Variants in ATP8B4 observed in about 807,000 individuals in gnomAD.
ATP8B4 encodes the protein ATPase phospholipid transporting 8B4 (putative), also known as probable phospholipid-transporting ATPase IM.
A neutral mutation model predicts 145.6 loss-of-function variants in ATP8B4; 133 were observed. That is an observed-to-expected ratio of 0.91 (90% CI 0.79 to 1.05). The LOEUF (loss-of-function observed/expected upper bound fraction) is 1.05. ATP8B4 is among the 50% of genes least tolerant of loss of function. ATP8B4 has a pLI of 0.00. For missense variants in ATP8B4, 1,458 were observed against 1,425.2 expected, an observed-to-expected ratio of 1.02 and a Z score of -0.37; for synonymous variants, 507 against 492.9, an observed-to-expected ratio of 1.03 and a Z score of -0.38.
In ATP8B4 at chr15:50,086,905, T is replaced by G. The variant is rs1403515992; in HGVS notation, c.29-12720A>C. On this transcript the variant is annotated intron_variant, in intron 2 of 27. Transcript: ENST00000284509. ...TATATATAATAAAATAATAGAGATC[T>G]ATATTATTATATATAATAAAATAAT... is the stretch of plus-strand genomic sequence containing the variant. 4.9e-4 allele frequency among the ~76,000 whole-genome samples: 40 copies of G among 80,934 alleles called. 1 individual carries two copies. Among genetic ancestry groups the G allele is most frequent in the African/African-American group, 1.6e-3 (35 of 21,524 alleles). The allele number at this position is 80,934 out of a possible 152,430, so 53.1% of individuals were successfully genotyped here. A position where few individuals can be genotyped will look rare whatever the true frequency, so the allele number is the denominator to read the frequency against.
At chr15:49,887,036 C>T (rs1005693469) in intron 23 of ATP8B4, among the ~76,000 whole-genome samples, 8 of 152,102 alleles carry the variant, frequency 5.3e-5, no homozygotes, top group African/African-American at 1.7e-4. Context: ...TCTTGAACTC[C>T]TGGCCTCAGG....
At chr15:50,042,337 T>C (rs1169747532) in intron 5 of ATP8B4, among the ~76,000 whole-genome samples, 2 of 152,178 alleles carry the variant, frequency 1.3e-5, no homozygotes, top group Admixed American at 1.3e-4. Context: ...TTGCATCAAA[T>C]TGTTGATTTA....
chr15:50,128,914 A>G (rs1199137556), intron 1 of ATP8B4, among the ~76,000 whole-genome samples: 1 of 152,100 alleles, frequency 6.6e-6, no homozygotes, highest in Non-Finnish European at 1.5e-5. Flanking sequence ...CTAAAAATAC[A>G]AAAATTAGCT....
At position 49,991,826 on chromosome 15, in the gene ATP8B4, T is replaced by G. The variant is rs140306782; in HGVS notation, c.590-4277A>C. 4.7e-3 allele frequency among the ~76,000 whole-genome samples: 709 copies of G among 152,298 alleles called. 8 individuals carry two copies. Among genetic ancestry groups the G allele is most frequent in the South Asian group, 0.034 (163 of 4,830 alleles). Reference sequence around the variant, plus strand: ...ACATTGCTACGTTTTAAAAATATGATGACCTCATCCTTGTGCTGGATGGAC... The same window carrying G: ...ACATTGCTACGTTTTAAAAATATGAGGACCTCATCCTTGTGCTGGATGGAC... On this transcript the variant is annotated intron_variant, in intron 9 of 27. Coordinates refer to ENST00000284509, the MANE Select transcript of ATP8B4 (RefSeq NM_024837.4).
intron 5 of ATP8B4, among the ~76,000 whole-genome samples, chr15:50,039,396 T>C (rs933688333): frequency 3.3e-5 from 5 of 151,188 alleles, no homozygotes; most frequent in Non-Finnish European, 5.9e-5. Context: ...GTGATTTATG[T>C]CCAAATGGTT....
At chr15:50,043,866 T>G (rs542052456) in intron 5 of ATP8B4, among the ~76,000 whole-genome samples, 1 of 146,372 alleles carries the variant, frequency 6.8e-6, no homozygotes, top group South Asian at 2.1e-4. Flanking sequence ...GGCAGGAGAA[T>G]GGCGTGAACC....
chr15:50,163,628 G>A (rs1233630565), intron 1 of ATP8B4, among the ~76,000 whole-genome samples: 1 of 152,178 alleles, frequency 6.6e-6, no homozygotes, highest in African/African-American at 2.4e-5. Context: ...GGTGACAACT[G>A]CCTGGCTATT....
intron 21 of ATP8B4, among the ~76,000 whole-genome samples, chr15:49,900,667 TA>T (rs1661632313): frequency 6.6e-6 from 1 of 152,200 alleles, no homozygotes; most frequent in South Asian, 2.1e-4. Flanking sequence ...AATAATTTCG[TA>T]TAGTAATTAC....
chr15:49,868,469 G>T (rs2033160012), intron 25 of ATP8B4, among the ~76,000 whole-genome samples: 1 of 152,068 alleles, frequency 6.6e-6, no homozygotes, highest in African/African-American at 2.4e-5. Flanking sequence ...ACTGTACAAA[G>T]ACCTCAAAAT....
intron 6 of ATP8B4, among the ~76,000 whole-genome samples, chr15:50,032,440 G>T (rs113589571): frequency 0.14 from 21,039 of 152,040 alleles, 1,643 homozygotes; most frequent in African/African-American, 0.22. Flanking sequence ...ATCATTGATG[G>T]GCATTTGGGT....
intron 6 of ATP8B4, among the ~76,000 whole-genome samples, chr15:50,033,639 G>A (rs2050613933): frequency 6.6e-6 from 1 of 152,166 alleles, no homozygotes; most frequent in Non-Finnish European, 1.5e-5. Flanking sequence ...TGAGGTTTGG[G>A]ATACAAATGA....
At chr15:50,007,334 A>G (rs1217086601) in intron 7 of ATP8B4, among the ~76,000 whole-genome samples, 3 of 152,220 alleles carry the variant, frequency 2.0e-5, no homozygotes, top group Admixed American at 6.5e-5. Context: ...CTGGTAGCCC[A>G]GACTCAAGTC....
intron 16 of ATP8B4, among the ~76,000 whole-genome samples, chr15:49,927,649 T>C (rs950391742): frequency 6.6e-6 from 1 of 152,134 alleles, no homozygotes; most frequent in Non-Finnish European, 1.5e-5. Context: ...TGGTGACCAA[T>C]GCTGAGGAAA....
intron 3 of ATP8B4, among the ~76,000 whole-genome samples, chr15:50,068,557 A>G (rs1426172975): frequency 6.6e-6 from 1 of 152,194 alleles, no homozygotes; most frequent in Non-Finnish European, 1.5e-5. Flanking sequence ...CACTTCCTAA[A>G]TGGGATCAAT....
intron 12 of ATP8B4, among the ~76,000 whole-genome samples, chr15:49,974,754 A>G (rs1436904915): frequency 1.3e-5 from 2 of 152,190 alleles, no homozygotes; most frequent in East Asian, 3.8e-4. Flanking sequence ...AAAGTTTGAT[A>G]TACATATGAG....
chr15:49,951,682 G>T (rs1006200187), intron 14 of ATP8B4, among the ~76,000 whole-genome samples: 2 of 152,058 alleles, frequency 1.3e-5, no homozygotes, highest in Non-Finnish European at 2.9e-5. Flanking sequence ...GGGGCATTTA[G>T]CTCATTTATA....
intron 10 of ATP8B4, among the ~76,000 whole-genome samples, chr15:49,983,827 T>C (rs1194274671): frequency 6.6e-6 from 1 of 152,236 alleles, no homozygotes; most frequent in East Asian, 1.9e-4. Context: ...GTGCTCTCCA[T>C]ACCCCATACT....
chr15:50,074,385 C>A (rs1207288605), intron 2 of ATP8B4, among the ~76,000 whole-genome samples, 200 bp from the exon 3 acceptor site: 1 of 152,196 alleles, frequency 6.6e-6, no homozygotes, highest in African/African-American at 2.4e-5. Context: ...TACAATGTTT[C>A]TCATTGTCCT....
chr15:49,865,027 G>C (rs1054841137), intron 26 of ATP8B4, among the ~76,000 whole-genome samples: 1 of 152,140 alleles, frequency 6.6e-6, no homozygotes, highest in African/African-American at 2.4e-5. Flanking sequence ...GTTGACTGAT[G>C]GCTGGAAGTC....
Sources: gnomAD v4.1 joint callset for allele counts (sites outside exome capture counted in the v4.1 genomes callset) on GRCh38, gnomAD v4.1.1 for gene constraint, MANE v1.5 for transcripts, NCBI Gene and HGNC (gene_info 2026-07-23, HGNC 2026-07-21) for gene names.